NBEAL1: variants seen among roughly 807,000 people sequenced by gnomAD.
NBEAL1 encodes neurobeachin like 1.
Under a neutral mutation model 351.3 loss-of-function variants are expected in NBEAL1, and 273 were observed. The observed-to-expected ratio is 0.78, with a 90% confidence interval of 0.70 to 0.86. NBEAL1 has a LOEUF of 0.86. Ranked by LOEUF, NBEAL1 falls within the 40% of genes least tolerant of loss-of-function variation. The pLI is 0.00. For synonymous variants in NBEAL1, 1,050 were observed against 1,086.4 expected, an observed-to-expected ratio of 0.97 and a Z score of 0.66; for missense variants, 2,961 against 3,201.3, an observed-to-expected ratio of 0.92 and a Z score of 1.81.
At chr2:203,210,333 A>C (rs1186368675) in intron 53 of NBEAL1, among the ~76,000 whole-genome samples, 1 of 147,166 alleles carries the variant, frequency 6.8e-6, no homozygotes, top group African/African-American at 2.5e-5. Flanking sequence ...ACTGCACTCC[A>C]GCCTGGACAA....
intron 13 of NBEAL1, 41 bp downstream of exon 13, chr2:203,107,559 C>A (rs1432801527): frequency 2.0e-6 from 3 of 1,537,638 alleles, no homozygotes; most frequent in Admixed American, 4.0e-5. Context: ...CTGTTAATAT[C>A]CATTTTGAAA....
At chr2:203,168,367 CCT>C in intron 38 of NBEAL1, among the ~76,000 whole-genome samples, 1 of 152,264 alleles carries the variant, frequency 6.6e-6, no homozygotes, top group Non-Finnish European at 1.5e-5. Flanking sequence ...GGGTGGATCA[CCT>C]GAAGTCAGGA....
At chr2:203,044,197 A>G (rs2061190576) in intron 3 of NBEAL1, among the ~76,000 whole-genome samples, 3 of 152,232 alleles carry the variant, frequency 2.0e-5, no homozygotes, top group Admixed American at 2.0e-4. Context: ...CGTTATTTAT[A>G]AATCCAGTTT....
Position 203,169,831 on chromosome 2 carries a change from A to C in NBEAL1, c.6082A>C (p.Lys2028Gln), listed in dbSNP as rs1357133921. 2 of 1,604,934 alleles carry C rather than the reference A, an allele frequency of 1.2e-6. No individual in the cohort carries two copies. Among genetic ancestry groups the C allele is most frequent in the South Asian group, 2.2e-5 (2 of 89,918 alleles). The change falls in exon 39 of 56, where the codon AAA becomes CAA. Residue 2028 changes from lysine (K) to glutamine (Q), a missense_variant. Transcript: ENST00000683969. ...AAGCAGATCACCACAGGAGTTATTC[A>C]AAGCATCAGGATTGACACAGGTAGG... ...YGSRSPQELF[K>Q]ASGLTQKWVN...
intron 18 of NBEAL1, among the ~76,000 whole-genome samples, chr2:203,120,014 T>A (rs1425317255): frequency 6.6e-6 from 1 of 152,192 alleles, no homozygotes; most frequent in Non-Finnish European, 1.5e-5. Context: ...AATTATGCTA[T>A]ACCCTTACAA....
chr2:203,083,548 T>C, intron 9 of NBEAL1, 23 bp downstream of exon 9: 2 of 1,469,532 alleles, frequency 1.4e-6, no homozygotes, highest in Non-Finnish European at 1.8e-6. Flanking sequence ...TAATGACAAC[T>C]TTTTCTGAGT....
chr2:203,183,937 G>C (rs1221339702), intron 44 of NBEAL1, among the ~76,000 whole-genome samples: 2 of 151,904 alleles, frequency 1.3e-5, no homozygotes, highest in Admixed American at 6.6e-5. Flanking sequence ...AATTAGCCAG[G>C]CGTGGTGGCG....
Position 203,126,566 on chromosome 2 carries a change from A to T in NBEAL1, c.2995A>T (p.Thr999Ser). Residue 999 changes from threonine (T) to serine (S), a missense_variant, in exon 22 of 56, where the codon ACC becomes TCC. Transcript: ENST00000683969. ...TTCTGTTTGGTTTCAGGTGCCAAGCACCTTGATGGATGTTAATGTGTTGAT... is the reference window on the plus strand; with the variant it reads ...TTCTGTTTGGTTTCAGGTGCCAAGCTCCTTGATGGATGTTAATGTGTTGAT... ...LGALLQKVPSTLMDVNVLMAV... is the reference protein window; with the variant it reads ...LGALLQKVPSSLMDVNVLMAV... The T allele has an allele frequency of 6.8e-7, 1 of 1,460,292 alleles. No individual in the cohort carries two copies. Among genetic ancestry groups the T allele is most frequent in the East Asian group, 2.5e-5 (1 of 40,014 alleles). The allele number at this position is 1,460,292 out of a possible 1,614,324, so 90.5% of individuals were successfully genotyped here.
chr2:203,204,390 G>A (rs1189550079), intron 51 of NBEAL1, among the ~76,000 whole-genome samples: 1 of 149,024 alleles, frequency 6.7e-6, no homozygotes, highest in African/African-American at 2.5e-5. Context: ...AGTGGCAGTG[G>A]CACAATCATG....
At chr2:203,060,041 G>A in intron 6 of NBEAL1, among the ~76,000 whole-genome samples, 1 of 152,124 alleles carries the variant, frequency 6.6e-6, no homozygotes. Context: ...AGACTTGTCA[G>A]CAATGGCAAA....
At chr2:203,191,119 C>G (rs902656734) in intron 46 of NBEAL1, 17 of 1,595,864 alleles carry the variant, frequency 1.1e-5, no homozygotes, top group East Asian at 2.2e-5. Flanking sequence ...CAACATTGTT[C>G]GACAGATGCG....
In NBEAL1 at chr2:203,163,309, C is replaced by T. The variant is rs561627011; in HGVS notation, c.5715-2840C>T. On this transcript the variant is annotated intron_variant, in intron 36 of 55. Coordinates refer to ENST00000683969, the MANE Select transcript of NBEAL1 (RefSeq NM_001378026.1). ...TACACAGAAAGTGCTTTAAGAATTGCTTAACTCATATCATTAGTTGCTAAC... is the reference window on the plus strand; with the variant it reads ...TACACAGAAAGTGCTTTAAGAATTGTTTAACTCATATCATTAGTTGCTAAC... 7.9e-5 allele frequency among the ~76,000 whole-genome samples: 12 copies of T among 152,288 alleles called. No individual in the cohort carries two copies. The East Asian group carries it at 1.7e-3, about 22-fold the overall frequency.
intron 18 of NBEAL1, among the ~76,000 whole-genome samples, chr2:203,119,255 C>T (rs1574997248): frequency 6.6e-6 from 1 of 151,150 alleles, no homozygotes; most frequent in East Asian, 2.0e-4. Flanking sequence ...GTAGCCTCAT[C>T]CTCCTGGGCT....
intron 15 of NBEAL1, 117 bp downstream of exon 15, chr2:203,110,399 A>G (rs2062540051): frequency 9.2e-7 from 1 of 1,092,876 alleles, no homozygotes; most frequent in African/African-American, 1.6e-5. Flanking sequence ...GGCTGGGCGC[A>G]GTGGCACACC....
chr2:203,212,207 A>G (rs543571235), intron 54 of NBEAL1, among the ~76,000 whole-genome samples: 4 of 151,874 alleles, frequency 2.6e-5, no homozygotes, highest in Admixed American at 6.6e-5. Flanking sequence ...TGGGCTTCTT[A>G]CCCACCACTC....
intron 51 of NBEAL1, among the ~76,000 whole-genome samples, chr2:203,203,951 A>G (rs1416221700): frequency 1.3e-5 from 2 of 148,354 alleles, no homozygotes; most frequent in African/African-American, 5.0e-5. Flanking sequence ...TTTGAGATGG[A>G]GTCTTGCTCT....
intron 10 of NBEAL1, among the ~76,000 whole-genome samples, chr2:203,093,282 C>CTAGGA (rs2062106819): frequency 6.9e-6 from 1 of 144,432 alleles, no homozygotes; most frequent in Non-Finnish European, 1.5e-5. Context: ...AGGGTCATCT[C>CTAGGA]TAGGATACAA....
At chr2:203,066,285 G>C (rs567936049) in intron 6 of NBEAL1, among the ~76,000 whole-genome samples, 1 of 151,040 alleles carries the variant, frequency 6.6e-6, no homozygotes, top group Admixed American at 6.6e-5. Flanking sequence ...AAATAATCTC[G>C]TGGAAAAACC....
chr2:203,101,774 T>G (rs1417197387), intron 12 of NBEAL1, among the ~76,000 whole-genome samples: 1 of 152,146 alleles, frequency 6.6e-6, no homozygotes, highest in East Asian at 1.9e-4. Context: ...TTTTGTATTT[T>G]CAGTAGAGAC....
Sources: allele counts gnomAD v4.1 joint callset (sites outside exome capture counted in the v4.1 genomes callset), GRCh38; gene constraint gnomAD v4.1.1; transcripts MANE v1.5; gene names NCBI Gene and HGNC (gene_info 2026-07-23, HGNC 2026-07-21).